Variants in KCNIP4 observed in about 807,000 individuals in gnomAD.
KCNIP4 encodes potassium voltage-gated channel interacting protein 4.
A neutral mutation model predicts 34.0 loss-of-function variants in KCNIP4; 12 were observed. The ratio of observed to expected loss-of-function variants is 0.35; its 90% CI spans 0.23 to 0.57. KCNIP4 has a LOEUF of 0.57. Ranked by LOEUF, KCNIP4 falls within the 20% of genes least tolerant of loss-of-function variation. KCNIP4 has a pLI of 0.83. For missense variants in KCNIP4, 238 were observed against 311.7 expected, an observed-to-expected ratio of 0.76 and a Z score of 1.78; for synonymous variants, 124 against 102.2, an observed-to-expected ratio of 1.21 and a Z score of -1.29.
At chr4:20,779,891 G>C (rs997139889) in intron 3 of KCNIP4, among the ~76,000 whole-genome samples, 6 of 152,270 alleles carry the variant, frequency 3.9e-5, no homozygotes, top group Non-Finnish European at 8.8e-5. Context: ...AAGGGAGCAT[G>C]GCCCTGCTAA....
intron 1 of KCNIP4, among the ~76,000 whole-genome samples, chr4:21,754,286 C>T (rs1003331693): frequency 3.3e-5 from 5 of 152,138 alleles, no homozygotes; most frequent in Admixed American, 1.3e-4. Flanking sequence ...CTCTCTCTAC[C>T]TTGCTTTATT....
intron 1 of KCNIP4, among the ~76,000 whole-genome samples, chr4:21,539,123 C>T (rs1269497328): frequency 6.6e-6 from 1 of 152,150 alleles, no homozygotes; most frequent in East Asian, 1.9e-4. Flanking sequence ...CCTGAGGCCT[C>T]TCCAGCCATG....
At chr4:21,618,225 G>A (rs1363412875) in intron 1 of KCNIP4, among the ~76,000 whole-genome samples, 1 of 152,078 alleles carries the variant, frequency 6.6e-6, no homozygotes, top group Non-Finnish European at 1.5e-5. Context: ...ATCAAATTCA[G>A]TATAATGCTA....
intron 1 of KCNIP4, among the ~76,000 whole-genome samples, chr4:21,223,914 C>T (rs1185598445): frequency 6.6e-6 from 1 of 152,046 alleles, no homozygotes; most frequent in Non-Finnish European, 1.5e-5. Context: ...CCACTCCTTG[C>T]CCACATTGGA....
intron 2 of KCNIP4, among the ~76,000 whole-genome samples, chr4:20,859,724 C>T (rs1427558087): frequency 2.0e-5 from 3 of 152,152 alleles, no homozygotes; most frequent in African/African-American, 7.2e-5. Context: ...CAGCTCAACT[C>T]GTAATTATGC....
chr4:20,777,211 C>T (rs1756451653), intron 3 of KCNIP4, among the ~76,000 whole-genome samples: 1 of 152,142 alleles, frequency 6.6e-6, no homozygotes, highest in African/African-American at 2.4e-5. Context: ...CTTCACATGG[C>T]AGCAGAAAGG....
At chr4:21,319,419 C>T (rs1714140224) in intron 1 of KCNIP4, among the ~76,000 whole-genome samples, 1 of 152,174 alleles carries the variant, frequency 6.6e-6, no homozygotes, top group African/African-American at 2.4e-5. Context: ...ATGTCTAAAT[C>T]CATAGTTTAT....
intron 1 of KCNIP4, among the ~76,000 whole-genome samples, chr4:21,786,826 A>G (rs1175720451): frequency 6.6e-6 from 1 of 152,060 alleles, no homozygotes; most frequent in African/African-American, 2.4e-5. Flanking sequence ...TCGGCCTCCC[A>G]AAGTGTGGGA....
chr4:21,056,035 G>T (rs997750832), intron 1 of KCNIP4, among the ~76,000 whole-genome samples: 1 of 152,078 alleles, frequency 6.6e-6, no homozygotes, highest in Non-Finnish European at 1.5e-5. Flanking sequence ...GCTGTGTGTC[G>T]GGGTGGGTAG....
In KCNIP4 at chr4:21,644,821, G is replaced by A. The variant is rs141938929; in HGVS notation, c.61+303750C>T. 3.7e-4 allele frequency among the ~76,000 whole-genome samples: 57 copies of A among 152,034 alleles called. No homozygotes were observed. In the Middle Eastern group the frequency reaches 0.01, roughly 27 times the overall value. The stretch of plus-strand genomic sequence containing the variant: ...GCTTTGTTAATTTATTTTGATTTTT[G>A]ATCTCTCTATGATTTATCATATGTC... On this transcript the variant is annotated intron_variant, in intron 1 of 8. Coordinates refer to ENST00000382152, the MANE Select transcript of KCNIP4 (RefSeq NM_025221.6).
intron 1 of KCNIP4, among the ~76,000 whole-genome samples, chr4:21,432,098 A>G (rs1489048517): frequency 1.5e-4 from 6 of 38,808 alleles, no homozygotes. Flanking sequence ...AAGCATATAT[A>G]TATATATATA....
chr4:21,343,155 T>G (rs985325604), intron 1 of KCNIP4, among the ~76,000 whole-genome samples: 1 of 152,064 alleles, frequency 6.6e-6, no homozygotes, highest in African/African-American at 2.4e-5. Context: ...GCAGCAAACT[T>G]GTGAAGCTGC....
chr4:20,796,335 G>T (rs1713458451), intron 3 of KCNIP4, among the ~76,000 whole-genome samples: 2 of 152,078 alleles, frequency 1.3e-5, no homozygotes, highest in African/African-American at 4.8e-5. Flanking sequence ...TTGAGACAGG[G>T]TCTCACTCTG....
intron 1 of KCNIP4, chr4:21,464,618 TG>T (rs1729752395): frequency 6.6e-6 from 1 of 152,102 alleles, no homozygotes; most frequent in Non-Finnish European, 1.5e-5. Flanking sequence ...TAATCTATCC[TG>T]GGGAATGTTC....
At chr4:21,125,180 T>G (rs1163766263) in intron 1 of KCNIP4, among the ~76,000 whole-genome samples, 1 of 143,216 alleles carries the variant, frequency 7.0e-6, no homozygotes, top group South Asian at 2.2e-4. Flanking sequence ...TTTTTTATTT[T>G]ATTTTGTCTT....
intron 1 of KCNIP4, among the ~76,000 whole-genome samples, chr4:21,712,205 G>C (rs573794009): frequency 6.6e-6 from 1 of 151,982 alleles, no homozygotes; most frequent in African/African-American, 2.4e-5. Flanking sequence ...AATCCTTCCC[G>C]TTCTAAAATA....
rs77857496 is a variant in KCNIP4, at chr4:21,640,184, C to T, written c.61+308387G>A. ...GCCCATATTCAACTATTCTGATTGC[C>T]GCTTTGACTCTGCTTTCCATCATGG... On this transcript the variant is annotated intron_variant, in intron 1 of 8. Transcript: ENST00000382152. Among the ~76,000 whole-genome samples, 72 of 152,258 alleles carry T rather than the reference C, an allele frequency of 4.7e-4. No homozygotes were observed. The East Asian group carries it at 0.012, about 25-fold the overall frequency.
At chr4:21,722,161 C>G (rs1464135909) in intron 1 of KCNIP4, among the ~76,000 whole-genome samples, 1 of 152,080 alleles carries the variant, frequency 6.6e-6, no homozygotes, top group Non-Finnish European at 1.5e-5. Flanking sequence ...TTATGGAAAG[C>G]CATTCATTTA....
intron 1 of KCNIP4, among the ~76,000 whole-genome samples, chr4:21,192,921 ACTACTACT>A (rs377255705): frequency 0.12 from 17,454 of 142,988 alleles, 2,092 homozygotes; most frequent in African/African-American, 0.29. Context: ...CGTCTCTACT[ACTACTACT>A]ACTACTACTA....
Sources: allele counts gnomAD v4.1 joint callset (sites outside exome capture counted in the v4.1 genomes callset), GRCh38; gene constraint gnomAD v4.1.1; transcripts MANE v1.5; gene names NCBI Gene and HGNC (gene_info 2026-07-23, HGNC 2026-07-21).